PKD1: variants seen among roughly 807,000 people sequenced by gnomAD.
The protein encoded by PKD1 is polycystin-1.
Under a neutral mutation model 361.7 loss-of-function variants are expected in PKD1, and 81 were observed. That is an observed-to-expected ratio of 0.22 (90% CI 0.19 to 0.27). The LOEUF (loss-of-function observed/expected upper bound fraction) is 0.27, where lower values mean the gene tolerates loss of function less well. Among genes scored for constraint, PKD1 ranks in the 10% least tolerant of loss-of-function variants. PKD1 has a pLI of 1.00. For missense variants in PKD1, 6,399 were observed against 6,118.3 expected (o/e 1.05, Z -1.53); for synonymous variants, 3,615 against 2,818.3 (o/e 1.28, Z -8.95).
Position 2,119,103 on chromosome 16 carries a change from C to T in PKD1, c.359+11G>A, listed in dbSNP as rs779808292. The T allele has an allele frequency of 5.1e-5, 61 of 1,188,664 alleles. No homozygotes were observed. Among genetic ancestry groups the T allele is most frequent in the Non-Finnish European group, 7.1e-5 (58 of 819,222 alleles). 73.6% of individuals were successfully genotyped at this position (1,188,664 alleles called of 1,614,324 possible). A position where few individuals can be genotyped will look rare whatever the true frequency, so the allele number is the denominator to read the frequency against. ...TCCAGCCAGGACCCCACCCAAAGAA[C>T]CACAACTTACATTTCACTTAAATTA... On this transcript the variant is annotated intron_variant, in intron 3 of 45. Transcript: ENST00000262304.
At chr16:2,127,503 T>C (rs2092814064) in intron 1 of PKD1, among the ~76,000 whole-genome samples, 2 of 152,142 alleles carry the variant, frequency 1.3e-5, no homozygotes, top group South Asian at 4.1e-4. Context: ...CAGTGTCTGG[T>C]CTAAGCACAG....
chr16:2,102,180 G>A lies in PKD1; in HGVS notation c.9278C>T (p.Ala3093Val). 6.5e-7 allele frequency: 1 copy of A among 1,536,390 alleles called. No individual in the cohort carries two copies. The highest frequency in any genetic ancestry group is 1.1e-5 in the South Asian group (1 of 89,502). Reference protein sequence around the residue: ...VCLVTYMVMAAILHKLDQLDA... With the variant: ...VCLVTYMVMAVILHKLDQLDA... ...CAACTGGTCCAGCTTGTGCAGGATG[G>A]CGGCCATGACCATGTAGGTCACCAG... Residue 3093 changes from alanine to valine, a missense_variant, in exon 26 of 46, where the codon GCC (alanine) becomes GTC (valine). Ala to Val is a moderately conservative substitution (Grantham distance 64). Transcript: ENST00000262304.
chr16:2,101,116 G>A (rs188693296), intron 26 of PKD1, among the ~76,000 whole-genome samples: 2 of 152,162 alleles, frequency 1.3e-5, no homozygotes, highest in East Asian at 3.9e-4. Context: ...CTCCCAAGGA[G>A]CTGGGACTAC....
rs537187222 is a variant in PKD1, at chr16:2,088,951, A to T, written c.*776T>A. On this transcript the variant is annotated 3_prime_UTR_variant, in exon 46 of 46. Transcript: ENST00000262304. ...GCCCCCAGGAGGAGTCTTTTCCTCT[A>T]ACCACCCTGGGGTCCTCTGACATGC... The T allele has an allele frequency of 4.0e-4, 137 of 344,288 alleles. 4 individuals are homozygous for T. Among genetic ancestry groups the T allele is most frequent in the South Asian group, 3.9e-3 (135 of 34,374 alleles). The allele number at this position is 344,288 out of a possible 1,614,324, so 21.3% of individuals were successfully genotyped here.
Position 2,089,829 on chromosome 16 carries a change from C to T in PKD1, c.12810G>A (p.Leu4270=), listed in dbSNP as rs1230097040. The T allele has an allele frequency of 6.2e-7, 1 of 1,603,454 alleles. No individual in the cohort carries two copies. The highest frequency in any genetic ancestry group is 2.2e-5 in the East Asian group (1 of 44,534). The change falls in exon 46 of 46, where the codon CTG becomes CTA. Residue 4270 remains leucine (L), a synonymous_variant. Transcript: ENST00000262304. ...RGPSPGLRPA[L]PSRLARASRG... Reference sequence around the variant, plus strand: ...GACTGGCCCGGGCAAGGCGGCTGGGCAGTGCTGGCCGCAGGCCCGGGGATG... The same window carrying T: ...GACTGGCCCGGGCAAGGCGGCTGGGTAGTGCTGGCCGCAGGCCCGGGGATG...
chr16:2,099,974 C>A lies in PKD1; in HGVS notation c.9810G>T (p.Pro3270=), dbSNP rs775719727. The part of the protein sequence containing the change: ...KHIWLSIWDR[P]PRSRFTRIQR... Reference sequence around the variant, plus strand: ...GGATGCGAGTGAAACGGCTACGAGGCGGCCGGTCCCATATGGAGAGCCAGA... The same window carrying A: ...GGATGCGAGTGAAACGGCTACGAGGAGGCCGGTCCCATATGGAGAGCCAGA... The change falls in exon 29 of 46, where the codon CCG becomes CCT. Residue 3270 remains proline, a synonymous_variant. Transcript: ENST00000262304. 1 of 1,562,958 alleles carries A rather than the reference C, an allele frequency of 6.4e-7. No individual in the cohort carries two copies. The highest frequency in any genetic ancestry group is 2.4e-5 in the East Asian group (1 of 41,996).
At chr16:2,129,699 A>G (rs1437451268) in intron 1 of PKD1, among the ~76,000 whole-genome samples, 1 of 151,444 alleles carries the variant, frequency 6.6e-6, no homozygotes. Flanking sequence ...ACAGATGCAT[A>G]CCACCACGCC....
chr16:2,115,061 T>C lies in PKD1; in HGVS notation c.2098-136A>G, dbSNP rs2092607336. On this transcript the variant is annotated intron_variant, in intron 10 of 45. Transcript: ENST00000262304. ...TCAAGGAGCCTCCCCACAGTGCTCGTGACAAGGACAGGCAGGACAGTTGCA... is the reference window on the plus strand; with the variant it reads ...TCAAGGAGCCTCCCCACAGTGCTCGCGACAAGGACAGGCAGGACAGTTGCA... 1.5e-5 allele frequency: 23 copies of C among 1,495,110 alleles called. No individual in the cohort carries two copies. The South Asian group carries it at 3.0e-4, about 20-fold the overall frequency. The allele number at this position is 1,495,110 out of a possible 1,614,324, so 92.6% of individuals were successfully genotyped here. A position where few individuals can be genotyped will look rare whatever the true frequency, so the allele number is the denominator to read the frequency against.
intron 1 of PKD1, among the ~76,000 whole-genome samples, chr16:2,127,765 G>C (rs962705596): frequency 6.6e-6 from 1 of 151,238 alleles, no homozygotes; most frequent in African/African-American, 2.4e-5. Context: ...ACTGGACCAA[G>C]GTCACACCAG....
rs1229002413 is a variant in PKD1, at chr16:2,118,978, G to T, written c.360-133C>A. 1.0e-4 allele frequency: 90 copies of T among 867,332 alleles called. No individual in the cohort carries two copies. The highest frequency in any genetic ancestry group is 1.6e-4 in the Non-Finnish European group (86 of 541,170). The allele number at this position is 867,332 out of a possible 1,614,324, so 53.7% of individuals were successfully genotyped here. On this transcript the variant is annotated intron_variant, in intron 3 of 45. Coordinates refer to ENST00000262304, the MANE Select transcript of PKD1 (RefSeq NM_001009944.3). This position sits in a 1 kb window ranked among gnomAD's most constrained non-coding sequence, Gnocchi z 6.0. ...TGCCCCAACCAAGCCGGCACTGGGG[G>T]GCTCCAAGCAGGCAGTGAACTGCCC... is the stretch of plus-strand genomic sequence containing the variant.
In PKD1 at chr16:2,116,004, G is replaced by T. The variant is rs769063419; in HGVS notation, c.1837C>A (p.Leu613Ile). The change falls in exon 9 of 46, where the codon CTC becomes ATC. Residue 613 changes from leucine (L) to isoleucine (I), a missense_variant. Leu to Ile is a conservative substitution (Grantham distance 5). Transcript: ENST00000262304. ...CCCAGAGTCCCACCTGCTGTGCTGA[G>T]GAGCCGGTACACCTGCAGCCGCAGC... Reference protein sequence around the residue: ...AQLRLQVYRLLSTAGTPENGS... With the variant: ...AQLRLQVYRLISTAGTPENGS... 2.3e-5 allele frequency: 36 copies of T among 1,543,242 alleles called. No individual in the cohort carries two copies. The East Asian group carries it at 8.3e-4, about 36-fold the overall frequency.
intron 24 of PKD1, 47 bp downstream of exon 24, chr16:2,102,767 C>G: frequency 6.2e-7 from 1 of 1,608,514 alleles, no homozygotes; most frequent in East Asian, 2.2e-5. Flanking sequence ...GCAATGCTGA[C>G]CCATGATGCC....
rs148496347 is a variant in PKD1 at position 2,108,502 on chromosome 16, G to T, written c.6665C>A (p.Ala2222Glu). ...AAAGCAGTAGTGCCCCACAGGCAGC[G>T]CCAGCCGCGGCAGCACCAGCCGAGG... The part of the protein sequence containing the change: ...SRPRLVLPRL[A>E]LPVGHYCFVF... The change falls in exon 15 of 46, where the codon GCG (alanine) becomes GAG (glutamate). Residue 2222 changes from alanine to glutamate, a missense_variant. Ala to Glu is a moderately radical substitution (Grantham distance 107, BLOSUM62 -1). Transcript: ENST00000262304. 1 of 1,608,720 alleles carries T rather than the reference G, an allele frequency of 6.2e-7. No individual in the cohort carries two copies. The highest frequency in any genetic ancestry group is 1.1e-5 in the South Asian group (1 of 90,986).
At chr16:2,095,344 C>A (rs535211470) in intron 34 of PKD1, 1 of 152,164 alleles carries the variant, frequency 6.6e-6, no homozygotes, top group African/African-American at 2.4e-5. Flanking sequence ...ACGTGGGAGG[C>A]AGACTTTGCA....
intron 34 of PKD1, among the ~76,000 whole-genome samples, chr16:2,096,196 G>T (rs1027550387): frequency 3.3e-5 from 5 of 152,276 alleles, no homozygotes; most frequent in African/African-American, 1.2e-4. Context: ...GTCACAGGGC[G>T]TAGTTACCCA....
chr16:2,091,958 G>A (rs2091606635), intron 40 of PKD1, 52 bp from the exon 41 acceptor site: 4 of 1,611,804 alleles, frequency 2.5e-6, no homozygotes, highest in African/African-American at 1.3e-5. Context: ...CCGGCACCCC[G>A]GAGCCAGGCT....
chr16:2,123,894 T>G (rs1016875093), intron 1 of PKD1, among the ~76,000 whole-genome samples: 1 of 152,098 alleles, frequency 6.6e-6, no homozygotes, highest in African/African-American at 2.4e-5. Context: ...GCCAAGCTTG[T>G]CGGGAGGAGT....
chr16:2,100,167 C>T lies in PKD1; in HGVS notation c.9711G>A (p.Ala3237=), dbSNP rs756699113. Residue 3237 remains alanine, a splice_region_variant and synonymous_variant, in exon 28 of 46, where the codon GCG becomes GCA. Coordinates refer to ENST00000262304, the MANE Select transcript of PKD1 (RefSeq NM_001009944.3). The surrounding 1 kb of genome is among the most constrained non-coding windows in gnomAD (Gnocchi z 4.4). The stretch of plus-strand genomic sequence containing the variant: ...TGGGAACATGGAACGAGGCCTTACT[C>T]GCGGCCAGCACCTCCTTCTCCACCA... The part of the protein sequence containing the change: ...GGLVEKEVLA[A]SDAALLRFRR... The T allele has an allele frequency of 1.1e-4, 181 of 1,607,946 alleles. No homozygotes were observed. Among genetic ancestry groups the T allele is most frequent in the Admixed American group, 5.0e-5 (3 of 59,950 alleles).
chr16:2,111,300 C>T lies in PKD1; in HGVS notation c.3867G>A (p.Val1289=), dbSNP rs764853160. The change falls in exon 15 of 46, where the codon GTG becomes GTA. Residue 1289 remains valine (V), a synonymous_variant. Coordinates refer to ENST00000262304, the MANE Select transcript of PKD1 (RefSeq NM_001009944.3). Reference sequence around the variant, plus strand: ...GCAGCACCTCCAGGACGAAGACCAGCACGTGCAGGCTCCGGGCCAGGTGGC... The same window carrying T: ...GCAGCACCTCCAGGACGAAGACCAGTACGTGCAGGCTCCGGGCCAGGTGGC... ...PAGHLARSLH[V]LVFVLEVLRV... 9.9e-6 allele frequency: 16 copies of T among 1,609,238 alleles called. No homozygotes were observed. Among genetic ancestry groups the T allele is most frequent in the Non-Finnish European group, 1.3e-5 (15 of 1,179,292 alleles).
Sources: allele counts gnomAD v4.1 joint callset (sites outside exome capture counted in the v4.1 genomes callset), GRCh38; gene constraint gnomAD v4.1.1; non-coding constraint Gnocchi (gnomAD v3.1); transcripts MANE v1.5; gene names NCBI Gene and HGNC (gene_info 2026-07-23, HGNC 2026-07-21).